The following DTNA variants were observed in gnomAD, a reference collection of about 807,000 sequenced individuals.
The protein encoded by DTNA is dystrophin-related protein 3.
Under a neutral mutation model 100.7 loss-of-function variants are expected in DTNA, and 43 were observed. That is an observed-to-expected ratio of 0.43 (90% CI 0.33 to 0.55). The LOEUF is 0.55. Ranked by LOEUF, DTNA falls within the 20% of genes least tolerant of loss-of-function variation. The pLI is 0.04. For synonymous variants in DTNA, 349 were observed against 347.9 expected (o/e 1.00, Z -0.04); for missense variants, 798 against 953.9 (o/e 0.84, Z 2.15).
intron 1 of DTNA, among the ~76,000 whole-genome samples, chr18:34,723,407 A>G (rs919733983): frequency 2.0e-5 from 3 of 152,140 alleles, no homozygotes; most frequent in African/African-American, 7.2e-5. Flanking sequence ...CATAGACGGT[A>G]TATTTGTCAA....
chr18:34,852,051 A>G, intron 15 of DTNA, 123 bp downstream of exon 15: 3 of 951,648 alleles, frequency 3.2e-6, no homozygotes, highest in Non-Finnish European at 3.3e-6. Context: ...AGACATCTAC[A>G]CTCAGTGATG....
intron 1 of DTNA, among the ~76,000 whole-genome samples, chr18:34,594,117 A>C (rs2050095035): frequency 6.6e-6 from 1 of 151,880 alleles, no homozygotes; most frequent in Non-Finnish European, 1.5e-5. Flanking sequence ...TATCTCATTA[A>C]TTCCAAGCAG....
At chr18:34,602,249 A>G (rs1476135673) in intron 1 of DTNA, among the ~76,000 whole-genome samples, 4 of 152,200 alleles carry the variant, frequency 2.6e-5, no homozygotes, top group Non-Finnish European at 4.4e-5. Context: ...TTGAATTGTC[A>G]TTTAAATCAG....
intron 1 of DTNA, chr18:34,503,948 G>C (rs2040220506): frequency 1.3e-5 from 2 of 151,926 alleles, no homozygotes; most frequent in South Asian, 2.1e-4. Flanking sequence ...TCATTCTCCT[G>C]CTTCAGCCTT....
At chr18:34,588,205 T>G (rs1340691985) in intron 1 of DTNA, among the ~76,000 whole-genome samples, 8 of 152,180 alleles carry the variant, frequency 5.3e-5, no homozygotes, top group Non-Finnish European at 1.2e-4. Context: ...ACCCACAAAC[T>G]TGGTACTACC....
At chr18:34,537,590 A>G (rs577323713) in intron 1 of DTNA, among the ~76,000 whole-genome samples, 164 of 152,144 alleles carry the variant, frequency 1.1e-3, no homozygotes, top group African/African-American at 3.4e-3. Context: ...ATTCACCTCA[A>G]TGCATTTAAA....
At chr18:34,502,616 A>G (rs1222816670) in intron 1 of DTNA, among the ~76,000 whole-genome samples, 3 of 152,026 alleles carry the variant, frequency 2.0e-5, no homozygotes, top group African/African-American at 7.2e-5. Flanking sequence ...TCTTTGACCC[A>G]TTGGATATTT....
chr18:34,792,465 G>A (rs538825927), intron 3 of DTNA, among the ~76,000 whole-genome samples: 1 of 152,330 alleles, frequency 6.6e-6, no homozygotes, highest in Non-Finnish European at 1.5e-5. Context: ...ATTCATAGTA[G>A]AAGCTGATGT....
chr18:34,717,167 A>T (rs559518269), intron 1 of DTNA, among the ~76,000 whole-genome samples: 1 of 152,334 alleles, frequency 6.6e-6, no homozygotes, highest in South Asian at 2.1e-4. Context: ...AGTCCAATAT[A>T]GTAACTACTA....
At chr18:34,710,655 T>C (rs940638890) in intron 1 of DTNA, among the ~76,000 whole-genome samples, 6 of 149,168 alleles carry the variant, frequency 4.0e-5, no homozygotes, top group Non-Finnish European at 8.8e-5. Context: ...TATAGTTTTA[T>C]GGCAGTGTGT....
rs2096940476 is a variant in DTNA, at chr18:34,888,308, A to G, written c.*574A>G. 3.0e-6 allele frequency: 3 copies of G among 985,734 alleles called. No homozygotes were observed. Among genetic ancestry groups the G allele is most frequent in the Admixed American group, 6.1e-5 (1 of 16,262 alleles). 61.1% of individuals were successfully genotyped at this position (985,734 alleles called of 1,614,324 possible). ...TGGAAAAAAACAACCACTTGCAATC[A>G]TTCAATAACCCTGAAGAATTTGGTT... is the stretch of plus-strand genomic sequence containing the variant. On this transcript the variant is annotated 3_prime_UTR_variant, in exon 23 of 23. Coordinates refer to ENST00000444659, the MANE Select transcript of DTNA (RefSeq NM_001386795.1).
chr18:34,504,330 G>A (rs893905331), intron 1 of DTNA, among the ~76,000 whole-genome samples: 1 of 151,978 alleles, frequency 6.6e-6, no homozygotes, highest in African/African-American at 2.4e-5. Flanking sequence ...AATATTTCCT[G>A]TACATACATT....
At chr18:34,538,205 A>G (rs575392316) in intron 1 of DTNA, among the ~76,000 whole-genome samples, 2 of 152,186 alleles carry the variant, frequency 1.3e-5, no homozygotes, top group South Asian at 4.1e-4. Context: ...TTGCTAACCT[A>G]ACTATCAAAT....
chr18:34,815,654 T>A (rs558274901), intron 6 of DTNA: 1 of 433,848 alleles, frequency 2.3e-6, no homozygotes, highest in East Asian at 4.7e-5. Context: ...CTCTTGGAAT[T>A]GTTTTTCTCC....
At chr18:34,713,945 G>C (rs1437455721) in intron 1 of DTNA, among the ~76,000 whole-genome samples, 1 of 152,100 alleles carries the variant, frequency 6.6e-6, no homozygotes, top group Admixed American at 6.6e-5. Context: ...TAAGAATGCT[G>C]ATCTTTGACA....
At chr18:34,582,384 T>C (rs1417297995) in intron 1 of DTNA, among the ~76,000 whole-genome samples, 3 of 152,172 alleles carry the variant, frequency 2.0e-5, no homozygotes, top group Admixed American at 1.3e-4. Context: ...CTCCAGAGTC[T>C]CACATGCTCA....
intron 13 of DTNA, among the ~76,000 whole-genome samples, chr18:34,839,726 C>A (rs916494188): frequency 6.6e-6 from 1 of 152,114 alleles, no homozygotes; most frequent in Admixed American, 6.6e-5. Context: ...TCCATAGTTA[C>A]AATTATTAAG....
chr18:34,646,721 T>C (rs189757628), intron 1 of DTNA, among the ~76,000 whole-genome samples: 1 of 152,270 alleles, frequency 6.6e-6, no homozygotes, highest in Admixed American at 6.5e-5. Context: ...TATTTATTTA[T>C]TTTTTGAGAT....
At chr18:34,829,377 G>T in intron 10 of DTNA, 23 bp from the exon 11 acceptor site, 1 of 1,535,002 alleles carries the variant, frequency 6.5e-7, no homozygotes, top group East Asian at 2.4e-5. Context: ...TTTTAATGAG[G>T]TCTCATTGTT....
Sources: allele counts gnomAD v4.1 joint callset (sites outside exome capture counted in the v4.1 genomes callset), GRCh38; gene constraint gnomAD v4.1.1; transcripts MANE v1.5; gene names NCBI Gene and HGNC (gene_info 2026-07-23, HGNC 2026-07-21).